Variants in TNS1 observed in about 807,000 individuals in gnomAD.
The protein encoded by TNS1 is tensin 1.
TNS1 carries 62 observed loss-of-function variants against 168.6 expected under a neutral mutation model. The observed-to-expected ratio is 0.37, with a 90% CI of 0.30 to 0.45. The LOEUF (loss-of-function observed/expected upper bound fraction) is 0.45, where lower values mean the gene tolerates loss of function less well. TNS1 is among the 20% of genes least tolerant of loss of function. The pLI, the probability that TNS1 is intolerant of heterozygous loss-of-function variation, is 1.00. For synonymous variants in TNS1, 934 were observed against 933.2 expected (o/e 1.00, Z -0.02); for missense variants, 2,240 against 2,339.4 (o/e 0.96, Z 0.88).
chr2:218,020,052 G>A (rs1958794292), intron 1 of TNS1, among the ~76,000 whole-genome samples: 1 of 152,138 alleles, frequency 6.6e-6, no homozygotes, highest in African/African-American at 2.4e-5. Flanking sequence ...CACACATGTT[G>A]ACTCTCGCTC....
intron 13 of TNS1, among the ~76,000 whole-genome samples, 179 bp downstream of exon 13, chr2:217,886,355 G>A (rs1256706279): frequency 6.6e-6 from 1 of 152,242 alleles, no homozygotes; most frequent in African/African-American, 2.4e-5. Context: ...AGCAGGCACT[G>A]CAAATAGATT....
chr2:217,820,385 A>G (rs1942641432), intron 23 of TNS1, among the ~76,000 whole-genome samples: 1 of 152,184 alleles, frequency 6.6e-6, no homozygotes, highest in Non-Finnish European at 1.5e-5. Context: ...TGAGCAACGC[A>G]GGCTGCTGCC....
chr2:218,030,441 C>T (rs7606069), intron 1 of TNS1, among the ~76,000 whole-genome samples: 43,636 of 152,166 alleles, frequency 0.29, 9,079 homozygotes, highest in African/African-American at 0.58. Context: ...CAGTCTGTTC[C>T]ATCTCTCCCA....
intron 1 of TNS1, among the ~76,000 whole-genome samples, chr2:217,991,528 C>A (rs889716012): frequency 6.6e-6 from 1 of 152,114 alleles, no homozygotes; most frequent in Non-Finnish European, 1.5e-5. Context: ...AGTCATGGTG[C>A]CAGATTTTTA....
In TNS1 at chr2:217,801,861, G is replaced by A. The variant is rs1937522215; in HGVS notation, c.*2598C>T. On this transcript the variant is annotated 3_prime_UTR_variant, in exon 33 of 33. Transcript: ENST00000682258. ...CTGACTCCTTCCGCAGGGATGCTGG[G>A]AGGGAGTTACCAGCTTTCTGGCATG... 6.6e-6 allele frequency: 1 copy of A among 152,228 alleles called. No individual in the cohort carries two copies. Among genetic ancestry groups the A allele is most frequent in the Non-Finnish European group, 1.5e-5 (1 of 68,046 alleles). 9.4% of individuals were successfully genotyped at this position (152,228 alleles called of 1,614,324 possible). A position where few individuals can be genotyped will look rare whatever the true frequency, so the allele number is the denominator to read the frequency against.
At chr2:218,003,717 C>T (rs899723053), upstream of TNS1, among the ~76,000 whole-genome samples, 42 of 152,066 alleles carry the variant, frequency 2.8e-4, no homozygotes, top group East Asian at 1.2e-3. Context: ...CAGGCTCCCG[C>T]GAGAGTGTGT....
rs1464301798 is a variant in TNS1 at position 217,848,622 on chromosome 2, T to A, written c.1895A>T (p.Asn632Ile). 3 of 1,614,124 alleles carry A rather than the reference T, an allele frequency of 1.9e-6. No individual in the cohort carries two copies. The South Asian group carries it at 3.3e-5, about 18-fold the overall frequency. The change falls in exon 19 of 33, where the codon AAC becomes ATC. Residue 632 changes from asparagine (N) to isoleucine (I), a missense_variant. Coordinates refer to ENST00000682258, the MANE Select transcript of TNS1 (RefSeq NM_001387777.1). ...GCTGCCCGCACTGTGACCATCCTGG[T>A]TTGGCAATTCATCGTCCAGGATGTC... ...ETDILDDELPNQDGHSAGSMG... is the reference protein window; with the variant it reads ...ETDILDDELPIQDGHSAGSMG...
intron 15 of TNS1, among the ~76,000 whole-genome samples, 166 bp from the exon 16 acceptor site, chr2:217,885,330 C>T (rs77200378): frequency 0.016 from 2,457 of 152,328 alleles, 26 homozygotes; most frequent in Non-Finnish European, 0.021. Context: ...TGTGGGGAAA[C>T]TTCTAGAACA....
chr2:217,992,229 G>A (rs1321394573), intron 1 of TNS1, among the ~76,000 whole-genome samples: 2 of 152,090 alleles, frequency 1.3e-5, no homozygotes, highest in Admixed American at 1.3e-4. Flanking sequence ...GCAGGAGGGG[G>A]CAAGACACAG....
At chr2:217,907,368 G>A in intron 4 of TNS1, 117 bp from the exon 5 acceptor site, 1 of 671,816 alleles carries the variant, frequency 1.5e-6, no homozygotes, top group South Asian at 1.6e-5. Flanking sequence ...GGGATGATGA[G>A]GCCAACCCAA....
intron 18 of TNS1, chr2:217,859,444 A>G (rs1574847759): frequency 1.9e-6 from 1 of 537,082 alleles, no homozygotes; most frequent in Non-Finnish European, 3.3e-6. Context: ...AAAACCCCAC[A>G]GGGTCCTGCA....
At chr2:218,010,495 T>C, upstream of TNS1, 1 of 270,800 alleles carries the variant, frequency 3.7e-6, no homozygotes, top group Non-Finnish European at 6.9e-6. Flanking sequence ...TCCGCGGCTT[T>C]CTCCTCCCCT....
chr2:217,934,175 C>T (rs1279731667), intron 3 of TNS1, among the ~76,000 whole-genome samples: 3 of 152,184 alleles, frequency 2.0e-5, no homozygotes, highest in African/African-American at 7.2e-5. Context: ...GCAAATTCTA[C>T]ACTCCTTGAG....
intron 27 of TNS1, among the ~76,000 whole-genome samples, chr2:217,812,876 A>T (rs763022347): frequency 2.0e-5 from 3 of 152,088 alleles, no homozygotes; most frequent in Non-Finnish European, 4.4e-5. Context: ...GACCCCTACC[A>T]AACAGGATGG....
chr2:217,818,545 C>T lies in TNS1; in HGVS notation c.3787G>A (p.Glu1263Lys). 6.2e-7 allele frequency: 1 copy of T among 1,614,200 alleles called. No individual in the cohort carries two copies. Residue 1263 changes from glutamate (E) to lysine (K), a missense_variant, in exon 24 of 33, where the codon GAA becomes AAA. Glu to Lys is a moderately conservative substitution (Grantham distance 56). Coordinates refer to ENST00000682258, the MANE Select transcript of TNS1 (RefSeq NM_001387777.1). ...CTGAACTGAGCTCGAGCCTGGCTTT[C>T]CGGAGAGGAGCTGAAATGCTGAAGT... ...YSLQHFSSSPESQARAQFSVA... is the reference protein window; with the variant it reads ...YSLQHFSSSPKSQARAQFSVA...
chr2:217,932,441 C>T lies in TNS1; in HGVS notation c.187-12205G>A, dbSNP rs79450443. On this transcript the variant is annotated intron_variant, in intron 3 of 32. Coordinates refer to ENST00000682258, the MANE Select transcript of TNS1 (RefSeq NM_001387777.1). ...ACTTAGGTGCCATCAGTAAAATTGTCTGGGATACAGAATATGCTTAGGAGA... is the reference window on the plus strand; with the variant it reads ...ACTTAGGTGCCATCAGTAAAATTGTTTGGGATACAGAATATGCTTAGGAGA... Among the ~76,000 whole-genome samples the T allele has an allele frequency of 2.0e-4, 31 of 152,308 alleles. No individual in the cohort carries two copies. The East Asian group carries it at 5.6e-3, about 28-fold the overall frequency.
chr2:217,831,404 G>A, intron 22 of TNS1, 51 bp downstream of exon 22: 1 of 1,467,262 alleles, frequency 6.8e-7, no homozygotes, highest in East Asian at 2.6e-5. Flanking sequence ...AGAACCACAG[G>A]AGTCCTCCTC....
At chr2:217,908,276 A>G (rs1953940555) in intron 4 of TNS1, among the ~76,000 whole-genome samples, 1 of 151,986 alleles carries the variant, frequency 6.6e-6, no homozygotes, top group South Asian at 2.1e-4. Flanking sequence ...AGATGGTTTG[A>G]TTTCTCCCCA....
rs7599026 is a variant in TNS1 at position 217,835,962 on chromosome 2, T to C, written c.3204+53A>G. 1.1e-5 allele frequency: 16 copies of C among 1,499,632 alleles called. No homozygotes were observed. The African/African-American group carries it at 1.2e-4, about 12-fold the overall frequency. 92.9% of individuals were successfully genotyped at this position (1,499,632 alleles called of 1,614,324 possible). ...GTTGACCATCAGGTTTCTGGAGATT[T>C]AAAGTGGGCACCACTACCCTCCATA... On this transcript the variant is annotated intron_variant, in intron 20 of 32. Transcript: ENST00000682258.
Sources: gnomAD v4.1 joint callset for allele counts (sites outside exome capture counted in the v4.1 genomes callset) on GRCh38, gnomAD v4.1.1 for gene constraint, MANE v1.5 for transcripts, NCBI Gene and HGNC (gene_info 2026-07-23, HGNC 2026-07-21) for gene names.